The following RAB5B variants were observed in gnomAD, a reference collection of about 807,000 sequenced individuals.
The protein encoded by RAB5B is ras-related protein Rab-5B.
In RAB5B, 11 loss-of-function variants were observed where a neutral mutation model predicts 28.6. The observed-to-expected ratio is 0.38, with a 90% CI of 0.24 to 0.64. The LOEUF is 0.64. Ranked by LOEUF, RAB5B falls within the 30% of genes least tolerant of loss-of-function variation. RAB5B has a pLI of 0.53. For synonymous variants in RAB5B, 93 were observed against 97.9 expected, an observed-to-expected ratio of 0.95 and a Z score of 0.29; for missense variants, 169 against 265.6, an observed-to-expected ratio of 0.64 and a Z score of 2.53.
intron 1 of RAB5B, among the ~76,000 whole-genome samples, chr12:55,975,319 G>A (rs1053472875): frequency 1.3e-5 from 2 of 152,232 alleles, no homozygotes; most frequent in Non-Finnish European, 2.9e-5. Flanking sequence ...CTGAGGAAGA[G>A]ATTTGGGGAA....
At chr12:55,988,833 A>G (rs1456631873) in intron 2 of RAB5B, among the ~76,000 whole-genome samples, 2 of 151,296 alleles carry the variant, frequency 1.3e-5, no homozygotes, top group African/African-American at 2.4e-5. Context: ...CATCTTGGAA[A>G]TGTATTCCTG....
rs1890250161 is a variant in RAB5B, at chr12:55,995,136, C to G, written c.*2924C>G. 1 of 151,826 alleles carries G rather than the reference C, an allele frequency of 6.6e-6. No individual in the cohort carries two copies. The highest frequency in any genetic ancestry group is 2.1e-4 in the South Asian group (1 of 4,812). 9.4% of individuals were successfully genotyped at this position (151,826 alleles called of 1,614,324 possible). On this transcript the variant is annotated 3_prime_UTR_variant, in exon 6 of 6. Transcript: ENST00000360299. Reference sequence around the variant, plus strand: ...ATTGAGACGGAGTCTCTGTCGCTAGCCTGGAGTACAGTGGCACGATCTTGG... The same window carrying G: ...ATTGAGACGGAGTCTCTGTCGCTAGGCTGGAGTACAGTGGCACGATCTTGG...
chr12:55,995,953 C>G lies in RAB5B; in HGVS notation c.*3741C>G, dbSNP rs1890278300. 1 of 133,786 alleles carries G rather than the reference C, an allele frequency of 7.5e-6. No homozygotes were observed. Among genetic ancestry groups the G allele is most frequent in the East Asian group, 2.0e-4 (1 of 4,986 alleles). 8.3% of individuals were successfully genotyped at this position (133,786 alleles called of 1,614,324 possible). A position where few individuals can be genotyped will look rare whatever the true frequency, so the allele number is the denominator to read the frequency against. Reference sequence around the variant, plus strand: ...TCCCTCTTTCTCCCTCTCTCTCTCTCTCTCACTCTCTCTCTCTCCATATAT... The same window carrying G: ...TCCCTCTTTCTCCCTCTCTCTCTCTGTCTCACTCTCTCTCTCTCCATATAT... On this transcript the variant is annotated 3_prime_UTR_variant, in exon 6 of 6. Transcript: ENST00000360299.
At chr12:55,988,958 TG>T (rs869267522) in intron 2 of RAB5B, among the ~76,000 whole-genome samples, 1 of 147,342 alleles carries the variant, frequency 6.8e-6, no homozygotes, top group Non-Finnish European at 1.5e-5. Flanking sequence ...TTTTTTTTTT[TG>T]GATACTGAGT....
At chr12:55,984,352 G>A (rs770351614) in intron 1 of RAB5B, among the ~76,000 whole-genome samples, 1 of 152,138 alleles carries the variant, frequency 6.6e-6, no homozygotes, top group Non-Finnish European at 1.5e-5. Flanking sequence ...ACCACGCCCA[G>A]CTAATTTTTG....
chr12:55,991,999 C>T (rs1386453009), intron 5 of RAB5B, 98 bp from the exon 6 acceptor site: 1 of 814,996 alleles, frequency 1.2e-6, no homozygotes, highest in Non-Finnish European at 2.0e-6. Context: ...TCAAATTCTC[C>T]CTTTTCCCCA....
chr12:55,985,309 A>G (rs1463260980), intron 1 of RAB5B, among the ~76,000 whole-genome samples: 1 of 152,176 alleles, frequency 6.6e-6, no homozygotes, highest in Non-Finnish European at 1.5e-5. Flanking sequence ...AGTCCCACTA[A>G]TTGTGGTGAC....
rs957203640 is a variant in RAB5B at position 55,987,682 on chromosome 12, T to C, written c.163+559T>C. Among the ~76,000 whole-genome samples the C allele has an allele frequency of 7.4e-5, 11 of 149,428 alleles. 1 individual carries two copies. The highest frequency in any genetic ancestry group is 2.5e-4 in the African/African-American group (10 of 40,304). ...CTGTCTCTACTAAAAATACAAAAAA[T>C]TAGCCAGGCGTGGTGGCAGGCGCCT... On this transcript the variant is annotated intron_variant, in intron 2 of 5. Transcript: ENST00000360299.
chr12:55,989,618 A>G (rs575090794), intron 2 of RAB5B, among the ~76,000 whole-genome samples: 1 of 152,278 alleles, frequency 6.6e-6, no homozygotes, highest in South Asian at 2.1e-4. Flanking sequence ...TTTTATCTGA[A>G]GCTATTTTCT....
intron 4 of RAB5B, 175 bp downstream of exon 4, chr12:55,990,979 C>A: frequency 1.2e-6 from 1 of 846,108 alleles, no homozygotes. Context: ...AGGAGATTTT[C>A]AAAGGAGTCA....
Position 55,990,823 on chromosome 12 carries a change from T to C in RAB5B, c.438+19T>C. 6.2e-7 allele frequency: 1 copy of C among 1,612,258 alleles called. No homozygotes were observed. Among genetic ancestry groups the C allele is most frequent in the Non-Finnish European group, 8.5e-7 (1 of 1,178,876 alleles). On this transcript the variant is annotated intron_variant, in intron 4 of 5. Transcript: ENST00000360299. ...GTATGAAGTAAGGTGGCCCGTGGAG[T>C]TCCTCTCTAACACTTCCTCTGTTCC...
Position 55,991,362 on chromosome 12 carries a change from G to A in RAB5B, c.441G>A (p.Glu147=). The A allele has an allele frequency of 1.2e-6, 2 of 1,613,154 alleles. No homozygotes were observed. The highest frequency in any genetic ancestry group is 1.7e-6 in the Non-Finnish European group (2 of 1,179,162). ...LANKRMVEYE[E]AQAYADDNSL... ...CTAATACATCCCACTCCTTGCAGGA[G>A]GCCCAGGCATATGCAGATGACAACA... The change falls in exon 5 of 6, where the codon GAG becomes GAA. Residue 147 remains glutamate (E), a splice_region_variant and synonymous_variant. Transcript: ENST00000360299.
At chr12:55,981,265 C>T (rs552628007) in intron 1 of RAB5B, among the ~76,000 whole-genome samples, 1 of 151,996 alleles carries the variant, frequency 6.6e-6, no homozygotes, top group Non-Finnish European at 1.5e-5. Flanking sequence ...GTTTTCACCA[C>T]GTTGGCCAGG....
In RAB5B at chr12:55,993,909, G is replaced by A. The variant is rs1214551144; in HGVS notation, c.*1697G>A. On this transcript the variant is annotated 3_prime_UTR_variant, in exon 6 of 6. Coordinates refer to ENST00000360299, the MANE Select transcript of RAB5B (RefSeq NM_002868.4). ...TCTCTCTTCATATCCTTCATCAGGT[G>A]TTTTAAGATGTCTCTGAGAAGCCAT... is the stretch of plus-strand genomic sequence containing the variant. 6.6e-6 allele frequency: 1 copy of A among 152,282 alleles called. No homozygotes were observed. Among genetic ancestry groups the A allele is most frequent in the East Asian group, 1.9e-4 (1 of 5,190 alleles). 9.4% of individuals were successfully genotyped at this position (152,282 alleles called of 1,614,324 possible).
Position 55,990,946 on chromosome 12 carries a change from A to G in RAB5B, c.438+142A>G, listed in dbSNP as rs534130800. 5.5e-6 allele frequency: 6 copies of G among 1,093,020 alleles called. No individual in the cohort carries two copies. In the Admixed American group the frequency reaches 9.5e-5, roughly 17 times the overall value. 67.7% of individuals were successfully genotyped at this position (1,093,020 alleles called of 1,614,324 possible). ...GTTCTACACCAAGTTAAATACAGCA[A>G]CACTGTGACCCTAATGACAGCCAGG... On this transcript the variant is annotated intron_variant, in intron 4 of 5. Coordinates refer to ENST00000360299, the MANE Select transcript of RAB5B (RefSeq NM_002868.4).
chr12:55,980,849 C>T (rs1437329092), intron 1 of RAB5B: 49 of 1,607,438 alleles, frequency 3.0e-5, no homozygotes, highest in Middle Eastern at 1.6e-4. Context: ...AGCTGTGTCC[C>T]AGACTTGTAG....
rs951621191 is a variant in RAB5B at position 55,992,122 on chromosome 12, C to T, written c.558C>T (p.Pro186=). 2.2e-5 allele frequency: 35 copies of T among 1,613,906 alleles called. No individual in the cohort carries two copies. Among genetic ancestry groups the T allele is most frequent in the Admixed American group, 6.7e-5 (4 of 59,972 alleles). The change falls in exon 6 of 6, where the codon CCC becomes CCT. Residue 186 remains proline (P), a synonymous_variant. Coordinates refer to ENST00000360299, the MANE Select transcript of RAB5B (RefSeq NM_002868.4). ...CTAAGAAGTTGCCAAAGAGTGAACC[C>T]CAGAATCTGGGAGGTGCAGCAGGCC... is the stretch of plus-strand genomic sequence containing the variant. ...AIAKKLPKSE[P]QNLGGAAGRS...
chr12:55,986,986 C>T lies in RAB5B; in HGVS notation c.26C>T (p.Pro9Leu). ...ATGACTAGCAGAAGCACAGCTAGGC[C>T]CAATGGGCAACCCCAGGCCAGCAAA... MTSRSTAR[P>L]NGQPQASKIC... The change falls in exon 2 of 6, where the codon CCC (proline) becomes CTC (leucine). Residue 9 changes from proline to leucine, a missense_variant. By Grantham distance (98) the Pro-to-Leu change is moderately conservative. Around this residue, in one of 3 missense-constraint regions of RAB5B, gnomAD observed 43 missense variants for 85.8 expected, o/e 0.50. Transcript: ENST00000360299. 4 of 1,595,118 alleles carry T rather than the reference C, an allele frequency of 2.5e-6. No homozygotes were observed. Among genetic ancestry groups the T allele is most frequent in the Non-Finnish European group, 2.6e-6 (3 of 1,168,726 alleles).
intron 2 of RAB5B, among the ~76,000 whole-genome samples, chr12:55,988,593 T>G (rs1261668326): frequency 6.6e-6 from 1 of 152,174 alleles, no homozygotes; most frequent in Non-Finnish European, 1.5e-5. Context: ...AACTTCTGCC[T>G]CCCAGGTTCA....
Sources: allele counts gnomAD v4.1 joint callset (sites outside exome capture counted in the v4.1 genomes callset), GRCh38; gene constraint gnomAD v4.1.1; regional missense constraint gnomAD v4.1.1; transcripts MANE v1.5; gene names NCBI Gene and HGNC (gene_info 2026-07-23, HGNC 2026-07-21).